The following SETD7 variants were observed in gnomAD, a reference collection of about 807,000 sequenced individuals.
The protein encoded by SETD7 is SET domain containing 7, histone lysine methyltransferase.
A neutral mutation model predicts 41.8 loss-of-function variants in SETD7; 16 were observed. The observed-to-expected ratio is 0.38, with a 90% CI of 0.26 to 0.58. The LOEUF (loss-of-function observed/expected upper bound fraction) is 0.58, where lower values mean the gene tolerates loss of function less well. Among genes scored for constraint, SETD7 ranks in the 20% least tolerant of loss-of-function variants. SETD7 has a pLI of 0.64. For missense variants in SETD7, 346 were observed against 459.7 expected, an observed-to-expected ratio of 0.75 and a Z score of 2.26; for synonymous variants, 163 against 169.7, an observed-to-expected ratio of 0.96 and a Z score of 0.31.
At chr4:139,494,661 CAT>C (rs1334085253), downstream of SETD7, among the ~76,000 whole-genome samples, 1 of 152,166 alleles carries the variant, frequency 6.6e-6, no homozygotes, top group East Asian at 1.9e-4. Flanking sequence ...ATGATATCAA[CAT>C]AGACACAGAA....
In SETD7 at chr4:139,520,268, C is replaced by T. The variant is rs373898215; in HGVS notation, c.762+9G>A. The T allele has an allele frequency of 3.5e-6, 5 of 1,419,170 alleles. No homozygotes were observed. The highest frequency in any genetic ancestry group is 4.9e-6 in the Non-Finnish European group (5 of 1,023,376). 87.9% of individuals were successfully genotyped at this position (1,419,170 alleles called of 1,614,324 possible). A position where few individuals can be genotyped will look rare whatever the true frequency, so the allele number is the denominator to read the frequency against. On this transcript the variant is annotated intron_variant, in intron 6 of 7. Transcript: ENST00000274031. ...ACAAAGTTGATTTTCCACTGTCAGC[C>T]CCACTCACCTCTTGGTGTGTAATTC...
chr4:139,497,623 CTT>C (rs1289008550), intron 7 of SETD7, among the ~76,000 whole-genome samples: 6 of 150,446 alleles, frequency 4.0e-5, no homozygotes, highest in African/African-American at 1.2e-4. Context: ...AAATCTCTCT[CTT>C]GTTCCCCAGG....
intron 1 of SETD7, among the ~76,000 whole-genome samples, chr4:139,548,528 A>G (rs1261660576): frequency 1.3e-5 from 2 of 152,226 alleles, no homozygotes; most frequent in Non-Finnish European, 2.9e-5. Context: ...GCTACTCAGG[A>G]GGCTGAGGCA....
At chr4:139,523,962 A>G (rs918741935) in intron 4 of SETD7, among the ~76,000 whole-genome samples, 1 of 152,226 alleles carries the variant, frequency 6.6e-6, no homozygotes, top group African/African-American at 2.4e-5. Flanking sequence ...TCAGAAGCCA[A>G]TTAGTAATTT....
At chr4:139,520,826 T>C (rs1010279296) in intron 5 of SETD7, among the ~76,000 whole-genome samples, 1 of 152,246 alleles carries the variant, frequency 6.6e-6, no homozygotes, top group Non-Finnish European at 1.5e-5. Flanking sequence ...AGCCTCAAGA[T>C]GTATCTTCTA....
intron 1 of SETD7, among the ~76,000 whole-genome samples, chr4:139,552,829 C>T (rs1728148192): frequency 6.6e-6 from 1 of 152,200 alleles, no homozygotes; most frequent in Non-Finnish European, 1.5e-5. Context: ...TTCCTCTCAA[C>T]CATCACAATT....
At chr4:139,505,689 CACA>C (rs1390119841), downstream of SETD7, among the ~76,000 whole-genome samples, 2 of 152,086 alleles carry the variant, frequency 1.3e-5, no homozygotes, top group African/African-American at 2.4e-5. Flanking sequence ...CAAAATCTAC[CACA>C]ACGTCTAACA....
intron 6 of SETD7, among the ~76,000 whole-genome samples, chr4:139,519,791 T>G (rs780962283): frequency 2.0e-5 from 3 of 152,174 alleles, no homozygotes; most frequent in Non-Finnish European, 4.4e-5. Flanking sequence ...ACAGAAAACA[T>G]ATATGAAGCC....
chr4:139,515,554 G>A (rs1268772357), intron 7 of SETD7, among the ~76,000 whole-genome samples: 3 of 152,194 alleles, frequency 2.0e-5, no homozygotes, highest in Non-Finnish European at 2.9e-5. Context: ...GTTAAGCTGT[G>A]TGCAGCTTGG....
intron 2 of SETD7, chr4:139,546,192 G>T (rs1399299667): frequency 1.3e-5 from 2 of 154,462 alleles, no homozygotes; most frequent in Non-Finnish European, 2.9e-5. Flanking sequence ...GAAAATCATA[G>T]TTCTGACATT....
chr4:139,532,061 C>A (rs1443979060), intron 3 of SETD7, among the ~76,000 whole-genome samples: 2 of 152,134 alleles, frequency 1.3e-5, no homozygotes, highest in Non-Finnish European at 2.9e-5. Context: ...ACCACTGCAC[C>A]TCATCCTGGG....
intron 2 of SETD7, chr4:139,546,121 G>C (rs1187725841): frequency 1.3e-5 from 2 of 152,476 alleles, no homozygotes; most frequent in African/African-American, 2.4e-5. Context: ...TCAGACAGGG[G>C]ATGAGAGTAA....
At chr4:139,528,986 C>T (rs1727405709) in intron 4 of SETD7, 45 bp downstream of exon 4, 1 of 1,546,532 alleles carries the variant, frequency 6.5e-7, no homozygotes, top group Non-Finnish European at 8.9e-7. Context: ...CCCTAACAAC[C>T]TGCTTTGGAA....
intron 5 of SETD7, among the ~76,000 whole-genome samples, chr4:139,521,650 C>T (rs1002576396): frequency 8.5e-5 from 13 of 152,248 alleles, no homozygotes; most frequent in African/African-American, 2.4e-4. Context: ...GTAGTGCCTC[C>T]CTCAGGGTGG....
intron 2 of SETD7, among the ~76,000 whole-genome samples, chr4:139,534,373 T>A (rs1027799372): frequency 1.3e-5 from 2 of 152,096 alleles, no homozygotes; most frequent in Non-Finnish European, 2.9e-5. Flanking sequence ...AGAGAGTATT[T>A]ATTCATTAAT....
intron 2 of SETD7, among the ~76,000 whole-genome samples, chr4:139,544,739 G>A (rs1727888989): frequency 6.6e-6 from 1 of 151,742 alleles, no homozygotes; most frequent in Non-Finnish European, 1.5e-5. Context: ...AAATCTGCTG[G>A]ACTGTTTTCC....
At chr4:139,535,007 T>G (rs1423857462) in intron 2 of SETD7, among the ~76,000 whole-genome samples, 1 of 152,228 alleles carries the variant, frequency 6.6e-6, no homozygotes, top group African/African-American at 2.4e-5. Context: ...CAATGACAAA[T>G]AGGCTTCCTA....
At position 139,546,964 on chromosome 4, in the gene SETD7, G is replaced by A. The variant is rs141627277; in HGVS notation, c.126C>T (p.His42=). The change falls in exon 2 of 8, where the codon CAC becomes CAT. Residue 42 remains histidine, a synonymous_variant. Transcript: ENST00000274031. ...ACTTCCCCCGTCCGTTCTTTTCTCC[G>A]TGAACAAAGTTCCCCTCAAATCTGT... ...STDRFEGNFV[H]GEKNGRGKFF... is the part of the protein sequence containing the mutation. 168 of 1,614,006 alleles carry A rather than the reference G, an allele frequency of 1.0e-4. No individual in the cohort carries two copies. Among genetic ancestry groups the A allele is most frequent in the Non-Finnish European group, 1.3e-4 (156 of 1,180,042 alleles).
chr4:139,542,653 C>A (rs1264528395), intron 2 of SETD7, among the ~76,000 whole-genome samples: 1 of 151,370 alleles, frequency 6.6e-6, no homozygotes, highest in African/African-American at 2.4e-5. Context: ...TAAAAAAAAG[C>A]GGGGGGGAGC....
Sources: allele counts gnomAD v4.1 joint callset (sites outside exome capture counted in the v4.1 genomes callset), GRCh38; gene constraint gnomAD v4.1.1; transcripts MANE v1.5; gene names NCBI Gene and HGNC (gene_info 2026-07-23, HGNC 2026-07-21).